PSMB2: variants seen among roughly 807,000 people sequenced by gnomAD.
The protein encoded by PSMB2 is proteasome subunit beta type-2.
In PSMB2, 13 loss-of-function variants were observed where a neutral mutation model predicts 25.7. That is an observed-to-expected ratio of 0.51 (90% CI 0.33 to 0.80). The LOEUF is 0.80. PSMB2 is among the 30% of genes least tolerant of loss of function. The probability of loss-of-function intolerance (pLI) is 0.02; values close to 1 mark genes in which losing one functional copy is unlikely to be tolerated. For synonymous variants in PSMB2, 87 were observed against 96.2 expected, an observed-to-expected ratio of 0.90 and a Z score of 0.56; for missense variants, 202 against 259.0, an observed-to-expected ratio of 0.78 and a Z score of 1.51.
intron 3 of PSMB2, among the ~76,000 whole-genome samples, chr1:35,625,323 C>T (rs1189196351): frequency 6.6e-6 from 1 of 152,192 alleles, no homozygotes; most frequent in Non-Finnish European, 1.5e-5. Context: ...TGGAGGCCAG[C>T]ATCCTACTCT....
At chr1:35,607,722 A>G (rs929622170) in intron 4 of PSMB2, among the ~76,000 whole-genome samples, 38 of 152,184 alleles carry the variant, frequency 2.5e-4, no homozygotes, top group African/African-American at 8.9e-4. Flanking sequence ...TGAAATCATT[A>G]TATCACTGGG....
intron 3 of PSMB2, among the ~76,000 whole-genome samples, chr1:35,629,786 G>A (rs1351052239): frequency 6.6e-6 from 1 of 151,680 alleles, no homozygotes; most frequent in Non-Finnish European, 1.5e-5. Flanking sequence ...CTCCAGCCTG[G>A]GCAACTGGAG....
At position 35,628,635 on chromosome 1, in the gene PSMB2, T is replaced by A. The variant is rs1420581463; in HGVS notation, c.285+2639A>T. ...TATATATATATATATATATATATTT[T>A]TTTTTTTTTTTTTAAAGAAAAGACT... On this transcript the variant is annotated intron_variant, in intron 3 of 5. Transcript: ENST00000373237. 3.7e-3 allele frequency among the ~76,000 whole-genome samples: 238 copies of A among 63,588 alleles called. 3 individuals carry two copies. The highest frequency in any genetic ancestry group is 0.011 in the African/African-American group (207 of 19,000). The allele number at this position is 63,588 out of a possible 152,430, so 41.7% of individuals were successfully genotyped here.
At chr1:35,603,456 A>C in intron 5 of PSMB2, 82 bp from the exon 6 acceptor site, 1 of 1,487,364 alleles carries the variant, frequency 6.7e-7, no homozygotes, top group Non-Finnish European at 9.1e-7. Flanking sequence ...CACTGGGGAT[A>C]CAAGCAAACA....
intron 3 of PSMB2, among the ~76,000 whole-genome samples, chr1:35,617,212 C>T (rs112522562): frequency 0.02 from 3,084 of 152,200 alleles, 93 homozygotes; most frequent in East Asian, 0.061. Flanking sequence ...CCACGCCAGG[C>T]TAATTTTGTA....
At chr1:35,606,647 C>T (rs1650178411) in intron 4 of PSMB2, among the ~76,000 whole-genome samples, 1 of 151,986 alleles carries the variant, frequency 6.6e-6, no homozygotes, top group Non-Finnish European at 1.5e-5. Flanking sequence ...ATATTCAATG[C>T]AATCCCTATC....
At chr1:35,631,626 A>G in intron 2 of PSMB2, 3 of 554,606 alleles carry the variant, frequency 5.4e-6, no homozygotes, top group Non-Finnish European at 7.5e-6. Flanking sequence ...TCATCAACAC[A>G]CTGTGGTTTC....
intron 3 of PSMB2, among the ~76,000 whole-genome samples, chr1:35,611,294 C>T (rs974532015): frequency 1.3e-5 from 2 of 152,220 alleles, no homozygotes; most frequent in South Asian, 2.1e-4. Context: ...CTGATTAACA[C>T]GGCCACTTGG....
intron 3 of PSMB2, among the ~76,000 whole-genome samples, chr1:35,611,872 T>C (rs1040380414): frequency 2.0e-5 from 3 of 151,766 alleles, no homozygotes; most frequent in Non-Finnish European, 4.4e-5. Flanking sequence ...GGTCTCACTA[T>C]GTTGCCCAGG....
intron 3 of PSMB2, among the ~76,000 whole-genome samples, chr1:35,609,887 C>T (rs540405762): frequency 6.1e-4 from 93 of 152,234 alleles, no homozygotes; most frequent in Admixed American, 1.8e-3. Context: ...CAAAATATCC[C>T]ATATACCCAA....
chr1:35,612,218 C>T (rs2148565344), intron 3 of PSMB2, among the ~76,000 whole-genome samples: 1 of 152,040 alleles, frequency 6.6e-6, no homozygotes, highest in Middle Eastern at 3.4e-3. Context: ...CTCTGGAATT[C>T]TCTGTGCATT....
intron 2 of PSMB2, among the ~76,000 whole-genome samples, chr1:35,632,520 C>T (rs1651134259): frequency 6.6e-6 from 1 of 152,224 alleles, no homozygotes; most frequent in South Asian, 2.1e-4. Flanking sequence ...AACTATGTTT[C>T]AGGGTCTATG....
intron 1 of PSMB2, among the ~76,000 whole-genome samples, chr1:35,640,945 C>G (rs1651374009): frequency 6.6e-6 from 1 of 152,170 alleles, no homozygotes; most frequent in African/African-American, 2.4e-5. Flanking sequence ...AATCCCAGCA[C>G]TTTGGAAGGC....
chr1:35,617,300 G>A (rs529940672), intron 3 of PSMB2, among the ~76,000 whole-genome samples: 5 of 152,178 alleles, frequency 3.3e-5, no homozygotes, highest in South Asian at 2.1e-4. Context: ...CATCTACCTC[G>A]GCCTCCCAAA....
At chr1:35,634,774 G>GTT (rs570001667) in intron 2 of PSMB2, among the ~76,000 whole-genome samples, 86 of 139,084 alleles carry the variant, frequency 6.2e-4, no homozygotes, top group African/African-American at 2.2e-3. Flanking sequence ...ATGGTGTTGG[G>GTT]TTTTTTTTTT....
intron 3 of PSMB2, among the ~76,000 whole-genome samples, chr1:35,624,907 A>T (rs1176915179): frequency 6.6e-6 from 1 of 152,120 alleles, no homozygotes; most frequent in Non-Finnish European, 1.5e-5. Flanking sequence ...CTAAAAATAC[A>T]CAAATTAGCC....
chr1:35,621,409 CTGAA>C (rs1650678053), intron 3 of PSMB2, among the ~76,000 whole-genome samples: 2 of 152,308 alleles, frequency 1.3e-5, no homozygotes, highest in Admixed American at 1.3e-4. Flanking sequence ...TGGAGACTGG[CTGAA>C]TGAATATCAG....
chr1:35,639,588 A>G (rs143001489), intron 1 of PSMB2, among the ~76,000 whole-genome samples: 1 of 152,358 alleles, frequency 6.6e-6, no homozygotes, highest in Admixed American at 6.5e-5. Context: ...TATAAGTAAT[A>G]TACTGCATCC....
intron 2 of PSMB2, among the ~76,000 whole-genome samples, chr1:35,632,876 AGGAGTGAGACCCT>A (rs1651142579): frequency 6.6e-6 from 1 of 152,030 alleles, no homozygotes; most frequent in Non-Finnish European, 1.5e-5. Context: ...CCCAGGCGAC[AGGAGTGAGACCCT>A]GTCTCAACAA....
Sources: gnomAD v4.1 joint callset for allele counts (sites outside exome capture counted in the v4.1 genomes callset) on GRCh38, gnomAD v4.1.1 for gene constraint, MANE v1.5 for transcripts, NCBI Gene and HGNC (gene_info 2026-07-23, HGNC 2026-07-21) for gene names.